Variants in CHLSN observed in about 807,000 individuals in gnomAD.
CHLSN encodes protein cholesin.
chr7:1,129,490 G>T, the CHLSN span, among the ~76,000 whole-genome samples: 1 of 151,344 alleles, frequency 6.6e-6, no homozygotes. Flanking sequence ...CTGTCACTCG[G>T]GCTGCAGTGC....
At chr7:1,092,166 C>T in the CHLSN span, 6 of 1,613,402 alleles carry the variant, frequency 3.7e-6, no homozygotes, top group Non-Finnish European at 5.1e-6. Flanking sequence ...GCAGCGTCTT[C>T]TTCCTCACCT....
chr7:1,131,335 GAA>G, the CHLSN span, among the ~76,000 whole-genome samples: 3 of 152,094 alleles, frequency 2.0e-5, no homozygotes, highest in African/African-American at 4.8e-5. Context: ...CCCTCGCTGT[GAA>G]AAAGAGTCAG....
chr7:1,058,147 C>T, the CHLSN span: 2 of 740,698 alleles, frequency 2.7e-6, no homozygotes, highest in Non-Finnish European at 5.0e-6. Flanking sequence ...GTGCTACTCT[C>T]CCGCGTCCGC....
At chr7:1,005,988 GTTCTT>G in the CHLSN span, among the ~76,000 whole-genome samples, 4 of 152,362 alleles carry the variant, frequency 2.6e-5, no homozygotes, top group African/African-American at 9.6e-5. Flanking sequence ...CAGCAGGCGT[GTTCTT>G]TTCTTTTTTC....
the CHLSN span, among the ~76,000 whole-genome samples, chr7:1,116,996 C>A: frequency 4.1e-5 from 2 of 49,196 alleles, no homozygotes; most frequent in Non-Finnish European, 7.0e-5. Flanking sequence ...CTTCCATCAC[C>A]GACGCCCACG....
the CHLSN span, chr7:1,057,567 G>A: frequency 1.3e-6 from 1 of 773,356 alleles, no homozygotes; most frequent in Non-Finnish European, 2.4e-6. Context: ...GGAGCTGCCT[G>A]CCTGCCAGGA....
At chr7:1,076,882 A>C in the CHLSN span, among the ~76,000 whole-genome samples, 2 of 152,218 alleles carry the variant, frequency 1.3e-5, no homozygotes, top group African/African-American at 4.8e-5. Context: ...CCCCTGGGTG[A>C]CGCTCCTGGC....
At chr7:1,063,067 G>A in the CHLSN span, among the ~76,000 whole-genome samples, 1 of 152,122 alleles carries the variant, frequency 6.6e-6, no homozygotes, top group African/African-American at 2.4e-5. Flanking sequence ...TGCCCCCTCC[G>A]TTCTCTCTGG....
chr7:986,689 C>G, the CHLSN span: 1 of 1,612,624 alleles, frequency 6.2e-7, no homozygotes, highest in Non-Finnish European at 8.5e-7. Context: ...TGCGCAAGAT[C>G]GAGGAGGTCC....
the CHLSN span, among the ~76,000 whole-genome samples, chr7:1,120,534 C>A: frequency 6.6e-6 from 1 of 152,174 alleles, no homozygotes; most frequent in Admixed American, 6.5e-5. Context: ...TCAAGTGATC[C>A]TTCTGCCTCG....
the CHLSN span, chr7:986,532 C>A: frequency 6.9e-7 from 1 of 1,455,582 alleles, no homozygotes; most frequent in East Asian, 2.3e-5. Flanking sequence ...AGTCCCTGGG[C>A]GTGAACACAG....
At chr7:1,089,256 G>C in the CHLSN span, among the ~76,000 whole-genome samples, 3 of 152,194 alleles carry the variant, frequency 2.0e-5, no homozygotes, top group Non-Finnish European at 4.4e-5. Flanking sequence ...TGAATCAAGA[G>C]TGCAAAATAA....
chr7:982,144 C>T, the CHLSN span, among the ~76,000 whole-genome samples: 1 of 152,226 alleles, frequency 6.6e-6, no homozygotes, highest in Admixed American at 6.5e-5. Flanking sequence ...TGAGGCACTC[C>T]CTCCCCGCCG....
the CHLSN span, chr7:997,273 T>C: frequency 4.6e-6 from 1 of 217,290 alleles, no homozygotes. Flanking sequence ...ATCTCTAAAA[T>C]ATTCCCGGTA....
chr7:1,113,124 C>G, the CHLSN span, among the ~76,000 whole-genome samples: 1 of 152,038 alleles, frequency 6.6e-6, no homozygotes, highest in Non-Finnish European at 1.5e-5. Context: ...CACACCCGCA[C>G]GTACAACCGT....
At chr7:1,041,347 CGGGGAAGGGGGCCTGGGGTCCGCGCTGCA>C in the CHLSN span, among the ~76,000 whole-genome samples, 8 of 105,240 alleles carry the variant, frequency 7.6e-5, no homozygotes, top group African/African-American at 2.7e-4. Flanking sequence ...GTCCGCGCTG[CGGGGAAGGGGGCCTGGGGTCCGCGCTGCA>C]GGGGAACGGG....
chr7:1,088,306 A>G, the CHLSN span: 1 of 152,306 alleles, frequency 6.6e-6, no homozygotes, highest in East Asian at 1.9e-4. This position sits in a 1 kb window ranked among gnomAD's most constrained non-coding sequence, Gnocchi z 4.5. Flanking sequence ...GGAGCACAGA[A>G]GGGGCTGCAA....
the CHLSN span, chr7:989,392 T>C: frequency 6.5e-6 from 1 of 153,346 alleles, no homozygotes; most frequent in Admixed American, 6.4e-5. Context: ...AAGGCCCACA[T>C]TCTCCTTCAG....
chr7:988,224 C>G, the CHLSN span: 1 of 1,532,136 alleles, frequency 6.5e-7, no homozygotes, highest in Non-Finnish European at 8.8e-7. Flanking sequence ...CAACCCAGGC[C>G]CCATCCCATC....
Sources: allele counts gnomAD v4.1 joint callset (sites outside exome capture counted in the v4.1 genomes callset), GRCh38; gene constraint gnomAD v4.1.1; non-coding constraint Gnocchi (gnomAD v3.1); transcripts MANE v1.5; gene names NCBI Gene and HGNC (gene_info 2026-07-23, HGNC 2026-07-21).